ETFRF1: variants seen among roughly 807,000 people sequenced by gnomAD.
The protein encoded by ETFRF1 is LYR motif containing 5.
Under a neutral mutation model 9.0 loss-of-function variants are expected in ETFRF1, and 12 were observed. The observed-to-expected ratio is 1.34, with a 90% CI of 0.86 to 2.16. The LOEUF is 2.16. Among genes scored for constraint, ETFRF1 ranks in the 30% most tolerant of loss-of-function variants. ETFRF1 has a pLI of 0.00. For synonymous variants in ETFRF1, 34 were observed against 33.2 expected, an observed-to-expected ratio of 1.02 and a Z score of -0.08; for missense variants, 98 against 101.8, an observed-to-expected ratio of 0.96 and a Z score of 0.16.
Position 25,204,296 on chromosome 12 carries a change from C to CCAA in ETFRF1, c.261_263dup (p.Asn87dup). The CCAA allele has an allele frequency of 6.4e-7, 1 of 1,573,918 alleles. No homozygotes were observed. Among genetic ancestry groups the CCAA allele is most frequent in the Non-Finnish European group, 8.6e-7 (1 of 1,166,008 alleles). ...ATGAAACAACGCTATTATTCAGATA[C>CCAA]CAACAAAACTAATTGATCATTACTA... is the stretch of plus-strand genomic sequence containing the variant. On this transcript the variant is annotated inframe_insertion, in exon 3 of 3. Transcript: ENST00000381356.
chr12:25,197,167 G>A (rs950800290), intron 1 of ETFRF1, among the ~76,000 whole-genome samples: 1 of 149,386 alleles, frequency 6.7e-6, no homozygotes, highest in African/African-American at 2.5e-5. Flanking sequence ...AAAAAAAAAA[G>A]ATAAACTGCA....
At position 25,195,335 on chromosome 12, in the gene ETFRF1, A is replaced by G; in HGVS notation, c.-40A>G. 1 of 600,750 alleles carries G rather than the reference A, an allele frequency of 1.7e-6. No homozygotes were observed. The highest frequency in any genetic ancestry group is 2.0e-5 in the South Asian group (1 of 50,576). 37.2% of individuals were successfully genotyped at this position (600,750 alleles called of 1,614,324 possible). On this transcript the variant is annotated splice_region_variant and 5_prime_UTR_variant, in exon 1 of 3. Coordinates refer to ENST00000381356, the MANE Select transcript of ETFRF1 (RefSeq NM_001001660.3). ...GGCTTTTGCGGCTCCGGCGTGCCGG[A>G]AAGTGCGTGAGTGCCGCCGCCGGGG...
Position 25,198,134 on chromosome 12 carries a change from C to G in ETFRF1, c.-38+2797C>G, listed in dbSNP as rs540627178. 1.2e-4 allele frequency among the ~76,000 whole-genome samples: 19 copies of G among 152,274 alleles called. No homozygotes were observed. In the South Asian group the frequency reaches 2.7e-3, roughly 22 times the overall value. Reference sequence around the variant, plus strand: ...GAAACACCTCTAAGTAACTCTACCCCCTTACTCCCATAGAAGACTAGAGGT... The same window carrying G: ...GAAACACCTCTAAGTAACTCTACCCGCTTACTCCCATAGAAGACTAGAGGT... On this transcript the variant is annotated intron_variant, in intron 1 of 2. Transcript: ENST00000381356.
intron 1 of ETFRF1, among the ~76,000 whole-genome samples, chr12:25,196,554 G>A (rs11047889): frequency 0.02 from 2,996 of 152,248 alleles, 59 homozygotes; most frequent in South Asian, 0.057. Context: ...CCTGGAACTG[G>A]AACTGGTTAA....
At chr12:25,200,538 C>A (rs897209421) in intron 1 of ETFRF1, among the ~76,000 whole-genome samples, 1 of 152,080 alleles carries the variant, frequency 6.6e-6, no homozygotes, top group African/African-American at 2.4e-5. Context: ...GGATCACTTA[C>A]CAGGACTGCT....
intron 1 of ETFRF1, among the ~76,000 whole-genome samples, chr12:25,199,414 T>C (rs772793775): frequency 4.0e-5 from 6 of 150,020 alleles, no homozygotes; most frequent in South Asian, 2.1e-4. Context: ...TAGTATATGG[T>C]AGATATATAT....
rs1951115580 is a variant in ETFRF1 at position 25,204,804 on chromosome 12, A to C, written c.*492A>C. On this transcript the variant is annotated 3_prime_UTR_variant, in exon 3 of 3. Transcript: ENST00000381356. The stretch of plus-strand genomic sequence containing the variant: ...ACAAACAGTTCCTGGTAATGATTTA[A>C]ATGTAGTTATAGAAATAAATAATAT... The C allele has an allele frequency of 1.6e-5, 3 of 188,358 alleles. No individual in the cohort carries two copies. In the South Asian group the frequency reaches 5.8e-4, roughly 36 times the overall value. The allele number at this position is 188,358 out of a possible 1,614,324, so 11.7% of individuals were successfully genotyped here. A position where few individuals can be genotyped will look rare whatever the true frequency, so the allele number is the denominator to read the frequency against.
chr12:25,201,932 A>T (rs1275632201), intron 1 of ETFRF1, among the ~76,000 whole-genome samples: 1 of 151,878 alleles, frequency 6.6e-6, no homozygotes, highest in East Asian at 1.9e-4. Context: ...TTAAAAATAT[A>T]AGTTGCGGCC....
At position 25,195,271 on chromosome 12, in the gene ETFRF1, C is replaced by A. The variant is rs1173591369; in HGVS notation, c.-104C>A. 4 of 653,456 alleles carry A rather than the reference C, an allele frequency of 6.1e-6. No individual in the cohort carries two copies. The Admixed American group carries it at 7.0e-5, about 11-fold the overall frequency. The allele number at this position is 653,456 out of a possible 1,614,324, so 40.5% of individuals were successfully genotyped here. ...TTGCCCACCTCCCCCAACGCCACCCCGCTTCGCAGTAGACGGACAGAGGAG... is the reference window on the plus strand; with the variant it reads ...TTGCCCACCTCCCCCAACGCCACCCAGCTTCGCAGTAGACGGACAGAGGAG... On this transcript the variant is annotated 5_prime_UTR_variant, in exon 1 of 3. Coordinates refer to ENST00000381356, the MANE Select transcript of ETFRF1 (RefSeq NM_001001660.3).
chr12:25,195,930 T>A (rs1592781839), intron 1 of ETFRF1: 1 of 152,220 alleles, frequency 6.6e-6, no homozygotes, highest in African/African-American at 2.4e-5. Context: ...TACAATTAAG[T>A]GAGGCTGTTC....
chr12:25,202,584 GGAAGA>G (rs1376266599), intron 1 of ETFRF1, among the ~76,000 whole-genome samples: 2 of 152,098 alleles, frequency 1.3e-5, no homozygotes, highest in Non-Finnish European at 2.9e-5. Flanking sequence ...GGGGAAAGGG[GGAAGA>G]GAAGACCATG....
intron 1 of ETFRF1, 27 bp downstream of exon 1, chr12:25,195,364 T>C: frequency 1.2e-5 from 7 of 587,512 alleles, no homozygotes; most frequent in Non-Finnish European, 1.8e-5. Context: ...GCCGGGGAGT[T>C]TTGTTCCATT....
intron 1 of ETFRF1, among the ~76,000 whole-genome samples, chr12:25,200,141 C>T (rs1228221134): frequency 2.0e-5 from 3 of 151,682 alleles, no homozygotes; most frequent in Admixed American, 6.6e-5. Context: ...ACCCAGGAGG[C>T]GGAGGTTGCA....
At chr12:25,196,536 T>C (rs2141462492) in intron 1 of ETFRF1, among the ~76,000 whole-genome samples, 1 of 152,300 alleles carries the variant, frequency 6.6e-6, no homozygotes, top group South Asian at 2.1e-4. Flanking sequence ...ATGACAATTT[T>C]CCATTAGCCT....
chr12:25,199,308 T>C (rs1444413767), intron 1 of ETFRF1, among the ~76,000 whole-genome samples: 2 of 138,974 alleles, frequency 1.4e-5, no homozygotes, highest in Non-Finnish European at 3.2e-5. Flanking sequence ...ATGTACTACA[T>C]AGTACATATA....
At chr12:25,199,807 C>T (rs1951060785) in intron 1 of ETFRF1, among the ~76,000 whole-genome samples, 1 of 152,070 alleles carries the variant, frequency 6.6e-6, no homozygotes, top group Non-Finnish European at 1.5e-5. Context: ...TAGTAGTCTC[C>T]AGCTATGCTG....
At chr12:25,201,825 C>T (rs540595524) in intron 1 of ETFRF1, among the ~76,000 whole-genome samples, 25 of 152,098 alleles carry the variant, frequency 1.6e-4, no homozygotes, top group South Asian at 4.2e-4. Flanking sequence ...AATTATGTAG[C>T]GCATGATTTT....
chr12:25,196,923 AGTGG>A (rs1951027954), intron 1 of ETFRF1, among the ~76,000 whole-genome samples: 2 of 152,136 alleles, frequency 1.3e-5, no homozygotes, highest in African/African-American at 4.8e-5. Context: ...GAGAGGCCAA[AGTGG>A]GTGGATCACG....
At chr12:25,199,619 T>C (rs10842503) in intron 1 of ETFRF1, among the ~76,000 whole-genome samples, 6,998 of 143,588 alleles carry the variant, frequency 0.049, 228 homozygotes, top group East Asian at 0.096. Flanking sequence ...TATGTATACA[T>C]ACACACACAC....
Sources: gnomAD v4.1 joint callset for allele counts (sites outside exome capture counted in the v4.1 genomes callset) on GRCh38, gnomAD v4.1.1 for gene constraint, MANE v1.5 for transcripts, NCBI Gene and HGNC (gene_info 2026-07-23, HGNC 2026-07-21) for gene names.